GABRB3: variants seen among roughly 807,000 people sequenced by gnomAD.
GABRB3 encodes the protein gamma-aminobutyric acid type A receptor subunit beta3.
GABRB3 carries 14 observed loss-of-function variants against 52.1 expected under a neutral mutation model. The ratio of observed to expected loss-of-function variants is 0.27; its 90% CI spans 0.18 to 0.42. The LOEUF (loss-of-function observed/expected upper bound fraction) is 0.42, where lower values mean the gene tolerates loss of function less well. GABRB3 is among the 10% of genes least tolerant of loss of function. GABRB3 has a pLI of 1.00. For synonymous variants in GABRB3, 260 were observed against 232.3 expected, an observed-to-expected ratio of 1.12 and a Z score of -1.08; for missense variants, 307 against 609.1, an observed-to-expected ratio of 0.50 and a Z score of 5.22.
intron 8 of GABRB3, among the ~76,000 whole-genome samples, chr15:26,552,979 G>T (rs770213699): frequency 1.3e-4 from 20 of 152,166 alleles, no homozygotes; most frequent in Non-Finnish European, 2.5e-4. Context: ...TGGTTACCAT[G>T]AAAAGGGATT....
chr15:26,616,001 G>A lies in GABRB3; in HGVS notation c.461+5313C>T, dbSNP rs1216761616. The A allele has an allele frequency of 3.9e-6, 5 of 1,289,064 alleles. No individual in the cohort carries two copies. In the African/African-American group the frequency reaches 4.6e-5, roughly 12 times the overall value. 79.9% of individuals were successfully genotyped at this position (1,289,064 alleles called of 1,614,324 possible). ...GCTCTCTGCAAACCTTCCACCATGG[G>A]GAATTTAACTTCAGTGTTCTCAGCT... On this transcript the variant is annotated intron_variant, in intron 4 of 8. Coordinates refer to ENST00000311550, the MANE Select transcript of GABRB3 (RefSeq NM_000814.6).
chr15:26,548,174 G>A, intron 8 of GABRB3, 40 bp from the exon 9 acceptor site: 2 of 1,513,526 alleles, frequency 1.3e-6, no homozygotes, highest in Non-Finnish European at 9.2e-7. Context: ...ACAGCCAGCA[G>A]CATAATTTCC....
intron 4 of GABRB3, among the ~76,000 whole-genome samples, chr15:26,591,775 T>C (rs2140759216): frequency 6.6e-6 from 1 of 152,306 alleles, no homozygotes; most frequent in Middle Eastern, 3.4e-3. Flanking sequence ...AACTGCATTG[T>C]CCAAAACAGT....
intron 3 of GABRB3, among the ~76,000 whole-genome samples, chr15:26,728,016 A>T (rs1306314817): frequency 6.6e-6 from 1 of 152,192 alleles, no homozygotes; most frequent in African/African-American, 2.4e-5. Context: ...ATTCCCTTCT[A>T]GTCAATGGTC....
At chr15:26,559,457 C>A (rs774924833) in intron 8 of GABRB3, among the ~76,000 whole-genome samples, 9 of 151,720 alleles carry the variant, frequency 5.9e-5, no homozygotes, top group Non-Finnish European at 1.2e-4. Flanking sequence ...CTCAGGTATT[C>A]CTTTATAGCA....
intron 3 of GABRB3, chr15:26,642,665 G>GCA: frequency 2.4e-6 from 1 of 414,230 alleles, no homozygotes. Context: ...GTACCCCCCC[G>GCA]CACACACACA....
Position 26,547,825 on chromosome 15 carries a change from T to A in GABRB3, c.1390A>T (p.Asn464Tyr). Residue 464 changes from asparagine to tyrosine, a missense_variant, in exon 9 of 9, where the codon AAC becomes TAC. Around this residue, in one of 6 missense-constraint regions of GABRB3, gnomAD observed 115 missense variants for 166.9 expected, o/e 0.69. Coordinates refer to ENST00000311550, the MANE Select transcript of GABRB3 (RefSeq NM_000814.6). ...IVFPFTFSLF[N>Y]LVYWLYYVN The stretch of plus-strand genomic sequence containing the variant: ...ACATAGTACAGCCAGTAAACTAAGT[T>A]GAAAAGAGAAAAAGTGAATGGAAAC... 1 of 1,613,942 alleles carries A rather than the reference T, an allele frequency of 6.2e-7. No homozygotes were observed. The highest frequency in any genetic ancestry group is 8.5e-7 in the Non-Finnish European group (1 of 1,180,000).
intron 3 of GABRB3, among the ~76,000 whole-genome samples, chr15:26,718,363 C>T (rs184920038): frequency 2.6e-5 from 4 of 152,108 alleles, no homozygotes; most frequent in African/African-American, 9.7e-5. Flanking sequence ...GCATGCGCCA[C>T]CAAGCCCGGC....
chr15:26,629,118 A>G, intron 3 of GABRB3: 1 of 1,529,786 alleles, frequency 6.5e-7, no homozygotes, highest in East Asian at 2.5e-5. Context: ...TCTGCTCTTT[A>G]CAGGAGAGGC....
chr15:26,618,319 T>G (rs1172027032), intron 4 of GABRB3, among the ~76,000 whole-genome samples: 1 of 151,608 alleles, frequency 6.6e-6, no homozygotes, highest in Admixed American at 6.6e-5. Context: ...AAAACAGAGA[T>G]ATAGATCAAT....
At chr15:26,766,717 A>C in intron 3 of GABRB3, among the ~76,000 whole-genome samples, 1 of 151,652 alleles carries the variant, frequency 6.6e-6, no homozygotes, top group Admixed American at 6.6e-5. Context: ...CTCCAACTGC[A>C]ACCTACCAGA....
At chr15:26,624,630 A>C in intron 3 of GABRB3, 2 of 985,524 alleles carry the variant, frequency 2.0e-6, no homozygotes, top group Middle Eastern at 5.2e-4. Flanking sequence ...AGTGGGTAAG[A>C]GCTTAGGTAA....
intron 3 of GABRB3, among the ~76,000 whole-genome samples, chr15:26,678,716 G>C (rs1888145576): frequency 6.6e-6 from 1 of 152,144 alleles, no homozygotes; most frequent in Non-Finnish European, 1.5e-5. Context: ...AACCCACCCA[G>C]GAAGGTGAGT....
At chr15:26,664,979 C>T (rs866812218) in intron 3 of GABRB3, among the ~76,000 whole-genome samples, 3 of 151,896 alleles carry the variant, frequency 2.0e-5, no homozygotes, top group South Asian at 2.1e-4. Flanking sequence ...GGATTACAGG[C>T]GTGAACGCCC....
At chr15:26,740,645 T>G (rs952119920) in intron 3 of GABRB3, among the ~76,000 whole-genome samples, 2 of 152,168 alleles carry the variant, frequency 1.3e-5, no homozygotes, top group African/African-American at 4.8e-5. Context: ...TCTCCACAGC[T>G]GAGGCTTGGC....
rs145685002 is a variant in GABRB3, at chr15:26,595,262, C to T, written c.462-11848G>A. Among the ~76,000 whole-genome samples the T allele has an allele frequency of 1.9e-3, 295 of 152,296 alleles. 6 individuals are homozygous for T. In the East Asian group the frequency reaches 0.036, roughly 19 times the overall value. ...CAAAGCTGAGATGAACATCTTGCTT[C>T]AGTCTTTCAGGCATCCTCCAGACAG... On this transcript the variant is annotated intron_variant, in intron 4 of 8. Transcript: ENST00000311550.
At chr15:26,587,800 T>C (rs1019332577) in intron 4 of GABRB3, among the ~76,000 whole-genome samples, 4 of 152,128 alleles carry the variant, frequency 2.6e-5, no homozygotes, top group African/African-American at 9.7e-5. Flanking sequence ...CTCACACACA[T>C]GGTTTTATAT....
At chr15:26,645,789 C>A (rs1273405797) in intron 3 of GABRB3, among the ~76,000 whole-genome samples, 2 of 152,122 alleles carry the variant, frequency 1.3e-5, no homozygotes, top group African/African-American at 4.8e-5. Context: ...CAGCTTACCA[C>A]TTGAAAGGGT....
intron 3 of GABRB3, among the ~76,000 whole-genome samples, chr15:26,622,508 A>G (rs547309294): frequency 3.5e-4 from 53 of 152,328 alleles, no homozygotes; most frequent in African/African-American, 9.4e-4. Context: ...AAATTATCCA[A>G]CCACGGAGGG....
Sources: allele counts gnomAD v4.1 joint callset (sites outside exome capture counted in the v4.1 genomes callset), GRCh38; gene constraint gnomAD v4.1.1; regional missense constraint gnomAD v4.1.1; transcripts MANE v1.5; gene names NCBI Gene and HGNC (gene_info 2026-07-23, HGNC 2026-07-21).